Variants in ZNF425 observed in about 807,000 individuals in gnomAD.
The protein encoded by ZNF425 is zinc finger protein 425.
In ZNF425, 21 loss-of-function variants were observed where a neutral mutation model predicts 17.0. That is an observed-to-expected ratio of 1.23 (90% CI 0.88 to 1.78). ZNF425 has a LOEUF of 1.78. Among genes scored for constraint, ZNF425 ranks in the 40% most tolerant of loss-of-function variants. The probability of loss-of-function intolerance (pLI) is 0.00; values close to 1 mark genes in which losing one functional copy is unlikely to be tolerated. For synonymous variants in ZNF425, 433 were observed against 384.1 expected (o/e 1.13, Z -1.49); for missense variants, 868 against 967.3 (o/e 0.90, Z 1.36).
At chr7:149,118,783 C>G (rs1826306763) in intron 1 of ZNF425, 2 of 222,254 alleles carry the variant, frequency 9.0e-6, no homozygotes, top group Non-Finnish European at 1.9e-5. Context: ...CCACTGCACT[C>G]CAGCCTGGGC....
intron 3 of ZNF425, among the ~76,000 whole-genome samples, chr7:149,109,313 G>A (rs749462355): frequency 6.6e-6 from 1 of 151,922 alleles, no homozygotes; most frequent in African/African-American, 2.4e-5. Context: ...TCTCGACCTC[G>A]TGATCCACCC....
At chr7:149,119,824 T>G (rs898248018) in intron 1 of ZNF425, among the ~76,000 whole-genome samples, 4 of 152,184 alleles carry the variant, frequency 2.6e-5, no homozygotes, top group African/African-American at 9.6e-5. Flanking sequence ...TTTTTTAAAA[T>G]CCAGCATAAC....
rs771542051 is a variant in ZNF425, at chr7:149,104,058, T to G, written c.1813A>C (p.Ser605Arg). ...SQLTEHLRLH[S>R]GEKPYQCPEC... Reference sequence around the variant, plus strand: ...GGACACTGGTAGGGCTTCTCTCCACTGTGCAGCCTCAGGTGCTCGGTGAGC... The same window carrying G: ...GGACACTGGTAGGGCTTCTCTCCACGGTGCAGCCTCAGGTGCTCGGTGAGC... Residue 605 changes from serine (S) to arginine (R), a missense_variant, in exon 4 of 4, where the codon AGT becomes CGT. Around this residue, in one of 5 missense-constraint regions of ZNF425, gnomAD observed 437 missense variants for 444.2 expected, o/e 0.98. Transcript: ENST00000378061. The surrounding 1 kb of genome is among the most constrained non-coding windows in gnomAD (Gnocchi z 4.3). 6.2e-7 allele frequency: 1 copy of G among 1,613,610 alleles called. No individual in the cohort carries two copies. Among genetic ancestry groups the G allele is most frequent in the Admixed American group, 1.7e-5 (1 of 60,006 alleles).
intron 2 of ZNF425, among the ~76,000 whole-genome samples, chr7:149,117,058 C>T (rs1010767778): frequency 7.2e-5 from 11 of 151,904 alleles, no homozygotes; most frequent in Admixed American, 2.6e-4. Context: ...GTCAGGAGTT[C>T]GAGACCAGCC....
In ZNF425 at chr7:149,121,260, A is replaced by T. The variant is rs1479976838; in HGVS notation, c.19-2912T>A. 1.9e-4 allele frequency among the ~76,000 whole-genome samples: 6 copies of T among 31,246 alleles called. 2 individuals carry two copies. Among genetic ancestry groups the T allele is most frequent in the African/African-American group, 5.8e-4 (6 of 10,396 alleles). 20.5% of individuals were successfully genotyped at this position (31,246 alleles called of 152,430 possible). Reference sequence around the variant, plus strand: ...AGGCGCCCGCCACTACGCCCGGCTAATTTTTTTTGTATTTTTAGTAGAGAC... The same window carrying T: ...AGGCGCCCGCCACTACGCCCGGCTATTTTTTTTTGTATTTTTAGTAGAGAC... On this transcript the variant is annotated intron_variant, in intron 1 of 3. Transcript: ENST00000378061.
chr7:149,124,256 C>T (rs1026200453), intron 1 of ZNF425, among the ~76,000 whole-genome samples: 1 of 150,596 alleles, frequency 6.6e-6, no homozygotes, highest in Admixed American at 6.6e-5. Context: ...TCCGGGTTCA[C>T]GCCGTTCTCC....
chr7:149,115,345 T>C (rs989335146), intron 2 of ZNF425, among the ~76,000 whole-genome samples: 1 of 151,936 alleles, frequency 6.6e-6, no homozygotes, highest in African/African-American at 2.4e-5. Flanking sequence ...TGCAGTCTAG[T>C]GGCATAAGCC....
intron 1 of ZNF425, 68 bp from the exon 2 acceptor site, chr7:149,118,416 C>A (rs1826302139): frequency 1.3e-6 from 2 of 1,550,762 alleles, no homozygotes; most frequent in Non-Finnish European, 1.8e-6. Flanking sequence ...ATGTCCATTA[C>A]TTTATTGAGA....
In ZNF425 at chr7:149,105,206, T is replaced by G; in HGVS notation, c.665A>C (p.Lys222Thr). The G allele has an allele frequency of 6.2e-7, 1 of 1,614,192 alleles. No individual in the cohort carries two copies. Among genetic ancestry groups the G allele is most frequent in the Non-Finnish European group, 8.5e-7 (1 of 1,180,042 alleles). ...CTTCCCTCTGGACGAGTTTTTGTAC[T>G]TTGGGTATCTGCAGAGCTGGCTCTT... Reference protein sequence around the residue: ...HSKSQLCRYPKYKNSSRGKSE... With the variant: ...HSKSQLCRYPTYKNSSRGKSE... Residue 222 changes from lysine to threonine, a missense_variant, in exon 4 of 4, where the codon AAG (lysine) becomes ACG (threonine). Around this residue, in one of 5 missense-constraint regions of ZNF425, gnomAD observed 243 missense variants for 265.2 expected, o/e 0.92. Transcript: ENST00000378061.
chr7:149,126,168 G>A (rs1227417250), intron 1 of ZNF425, 28 bp downstream of exon 1: 8 of 1,613,136 alleles, frequency 5.0e-6, no homozygotes, highest in Non-Finnish European at 6.8e-6. Context: ...TTTCGACAGA[G>A]CCTGCATCCT....
At chr7:149,114,380 T>C (rs868851669) in intron 2 of ZNF425, among the ~76,000 whole-genome samples, 1 of 149,338 alleles carries the variant, frequency 6.7e-6, no homozygotes, top group Non-Finnish European at 1.5e-5. Context: ...CCTTTTTTTT[T>C]TTTTTTTTTT....
Position 149,105,262 on chromosome 7 carries a change from C to T in ZNF425, c.609G>A (p.Arg203=). 6.2e-7 allele frequency: 1 copy of T among 1,614,156 alleles called. No individual in the cohort carries two copies. The highest frequency in any genetic ancestry group is 8.5e-7 in the Non-Finnish European group (1 of 1,180,042). ...GGCTCCGTTTGTGCTTTAGCAAATC[C>T]CTCCTTACTTGGAAGACTTTCCTAC... ...YVCRKVFQVR[R]DLLKHKRSHS... The change falls in exon 4 of 4, where the codon AGG becomes AGA. Residue 203 remains arginine, a synonymous_variant. Coordinates refer to ENST00000378061, the MANE Select transcript of ZNF425 (RefSeq NM_001001661.3).
intron 3 of ZNF425, 61 bp from the exon 4 acceptor site, chr7:149,105,627 G>A: frequency 2.5e-6 from 3 of 1,184,490 alleles, no homozygotes; most frequent in East Asian, 5.7e-5. Flanking sequence ...ATGGGTTCAA[G>A]GACTGTCTTT....
intron 2 of ZNF425, among the ~76,000 whole-genome samples, chr7:149,115,571 T>C (rs1431470072): frequency 6.6e-6 from 1 of 151,860 alleles, no homozygotes; most frequent in Non-Finnish European, 1.5e-5. Flanking sequence ...ACGCCTGTAA[T>C]TTCAGCTACT....
rs547588872 is a variant in ZNF425, at chr7:149,103,995, T to C, written c.1876A>G (p.Lys626Glu). 4.3e-6 allele frequency: 7 copies of C among 1,613,992 alleles called. No individual in the cohort carries two copies. In the East Asian group the frequency reaches 1.6e-4, roughly 36 times the overall value. The part of the protein sequence containing the change: ...EKTFRLKGNL[K>E]SHLLQHSGQK... ...CCACTGTGCTGCAGCAGGTGGCTTT[T>C]CAGGTTTCCCTTGAGGCGGAAAGTC... is the stretch of plus-strand genomic sequence containing the variant. The change falls in exon 4 of 4, where the codon AAA becomes GAA. Residue 626 changes from lysine to glutamate, a missense_variant. Lys to Glu is a moderately conservative substitution (Grantham distance 56, BLOSUM62 1). Transcript: ENST00000378061.
At chr7:149,123,923 C>T (rs1826405113) in intron 1 of ZNF425, among the ~76,000 whole-genome samples, 1 of 150,382 alleles carries the variant, frequency 6.6e-6, no homozygotes, top group African/African-American at 2.4e-5. Flanking sequence ...TCTCGGCTCA[C>T]TGCAAGCTCC....
intron 3 of ZNF425, among the ~76,000 whole-genome samples, chr7:149,111,355 G>T (rs1408967549): frequency 6.6e-6 from 1 of 151,416 alleles, no homozygotes; most frequent in African/African-American, 2.4e-5. Context: ...ACTTTGGGAG[G>T]CCGAGTTGGA....
In ZNF425 at chr7:149,118,317, T is replaced by A. The variant is rs756943640; in HGVS notation, c.50A>T (p.Tyr17Phe). 8 of 1,614,144 alleles carry A rather than the reference T, an allele frequency of 5.0e-6. No individual in the cohort carries two copies. The highest frequency in any genetic ancestry group is 5.9e-6 in the Non-Finnish European group (7 of 1,180,038). Reference sequence around the variant, plus strand: ...GATCTCCCACTCTTGTTCCGAAAAATATAAGGCCACATCATCAAATGTCAC... The same window carrying A: ...GATCTCCCACTCTTGTTCCGAAAAAAATAAGGCCACATCATCAAATGTCAC... Reference protein sequence around the residue: ...VTVTFDDVALYFSEQEWEILE... With the variant: ...VTVTFDDVALFFSEQEWEILE... The change falls in exon 2 of 4, where the codon TAT (tyrosine) becomes TTT (phenylalanine). Residue 17 changes from tyrosine (Y) to phenylalanine (F), a missense_variant. Tyr to Phe is a conservative substitution (Grantham distance 22). This residue lies in a region of ZNF425 where 179 missense variants were observed against 216.3 expected (regional missense o/e 0.83). Coordinates refer to ENST00000378061, the MANE Select transcript of ZNF425 (RefSeq NM_001001661.3).
Position 149,105,059 on chromosome 7 carries a change from T to A in ZNF425, c.812A>T (p.Gln271Leu), listed in dbSNP as rs1164102705. 3.1e-6 allele frequency: 5 copies of A among 1,614,240 alleles called. No individual in the cohort carries two copies. The highest frequency in any genetic ancestry group is 1.6e-4 in the Middle Eastern group (1 of 6,062). Residue 271 changes from glutamine (Q) to leucine (L), a missense_variant, in exon 4 of 4, where the codon CAG becomes CTG. Physicochemically the swap from Gln to Leu is moderately radical, Grantham distance 113. Coordinates refer to ENST00000378061, the MANE Select transcript of ZNF425 (RefSeq NM_001001661.3). The stretch of plus-strand genomic sequence containing the variant: ...GCACTCAGGGCATGGGTAGGGCCGC[T>A]GGCCGGTGTGGACAACCTGATGAGT... ...LVTHQVVHTG[Q>L]RPYPCPECDK...
Sources: allele counts gnomAD v4.1 joint callset (sites outside exome capture counted in the v4.1 genomes callset), GRCh38; gene constraint gnomAD v4.1.1; regional missense constraint gnomAD v4.1.1; non-coding constraint Gnocchi (gnomAD v3.1); transcripts MANE v1.5; gene names NCBI Gene and HGNC (gene_info 2026-07-23, HGNC 2026-07-21).